PTPN2: variants seen among roughly 807,000 people sequenced by gnomAD.
The protein encoded by PTPN2 is protein tyrosine phosphatase non-receptor type 2.
Under a neutral mutation model 57.3 loss-of-function variants are expected in PTPN2, and 19 were observed. That is an observed-to-expected ratio of 0.33 (90% CI 0.23 to 0.49). The LOEUF is 0.49. PTPN2 is among the 20% of genes least tolerant of loss of function. The pLI is 0.99. For missense variants in PTPN2, 358 were observed against 501.1 expected, an observed-to-expected ratio of 0.71 and a Z score of 2.73; for synonymous variants, 153 against 164.9, an observed-to-expected ratio of 0.93 and a Z score of 0.55.
Position 12,792,468 on chromosome 18 carries a change from A to ATTTTTAC in PTPN2, c.*1809_*1810insGTAAAAA. 1 of 154,992 alleles carries ATTTTTAC rather than the reference A, an allele frequency of 6.5e-6. No individual in the cohort carries two copies. Among genetic ancestry groups the ATTTTTAC allele is most frequent in the Non-Finnish European group, 1.4e-5 (1 of 70,732 alleles). The allele number at this position is 154,992 out of a possible 1,614,324, so 9.6% of individuals were successfully genotyped here. On this transcript the variant is annotated 3_prime_UTR_variant, in exon 9 of 9. Coordinates refer to ENST00000309660, the MANE Select transcript of PTPN2 (RefSeq NM_002828.4). ...CAGATAATTTTTGTATTTTTAGTAA[A>ATTTTTAC]GAAGGGATTTCACCATGTTGGCCAG...
chr18:12,797,326 G>A (rs1185172327), intron 8 of PTPN2, among the ~76,000 whole-genome samples: 1 of 151,738 alleles, frequency 6.6e-6, no homozygotes, highest in Non-Finnish European at 1.5e-5. Context: ...TTTGTATCTA[G>A]TATTTTGTCA....
intron 5 of PTPN2, among the ~76,000 whole-genome samples, chr18:12,820,129 T>A (rs571940183): frequency 2.3e-4 from 34 of 150,754 alleles, no homozygotes; most frequent in African/African-American, 8.1e-4. Flanking sequence ...TCAAAACTAG[T>A]GGTCTCAACT....
At position 12,884,179 on chromosome 18, in the gene PTPN2, C is replaced by G. The variant is rs1157979236; in HGVS notation, c.-38G>C. On this transcript the variant is annotated 5_prime_UTR_variant, in exon 1 of 9. Transcript: ENST00000309660. ...GAGCTGGCGCGAGCAGAGCCTGCGCCGGCGGAGAGGCTCAGGCCCCGCACG... is the reference window on the plus strand; with the variant it reads ...GAGCTGGCGCGAGCAGAGCCTGCGCGGGCGGAGAGGCTCAGGCCCCGCACG... 2.0e-6 allele frequency: 3 copies of G among 1,537,452 alleles called. No homozygotes were observed. The highest frequency in any genetic ancestry group is 1.2e-5 in the South Asian group (1 of 83,928).
intron 1 of PTPN2, among the ~76,000 whole-genome samples, chr18:12,870,448 TATATATATATATATAGAGAGAG>T (rs2044210797): frequency 1.2e-4 from 3 of 24,536 alleles, no homozygotes; most frequent in Non-Finnish European, 1.9e-4. Context: ...TGTGTATATA[TATATATATATATATAGAGAGAG>T]AGAGAGAGAG....
rs555919605 is a variant in PTPN2, at chr18:12,867,663, CTAT to C, written c.70-8412_70-8410del. ...CTCCTCTGTTCCCTTTCAGGAATTTCTATCACAGACTTGGGGAAGTGCTCTCTC... is the reference window on the plus strand; with the variant it reads ...CTCCTCTGTTCCCTTTCAGGAATTTCCACAGACTTGGGGAAGTGCTCTCTC... On this transcript the variant is annotated intron_variant, in intron 1 of 8. Transcript: ENST00000309660. Among the ~76,000 whole-genome samples, 11 of 152,266 alleles carry C rather than the reference CTAT, an allele frequency of 7.2e-5. No homozygotes were observed. The East Asian group carries it at 1.7e-3, about 24-fold the overall frequency.
intron 8 of PTPN2, among the ~76,000 whole-genome samples, chr18:12,795,774 A>C (rs919526915): frequency 6.6e-6 from 1 of 152,132 alleles, no homozygotes; most frequent in Admixed American, 6.6e-5. Context: ...AAAACAAAAA[A>C]ACGGCCAATG....
chr18:12,833,544 A>C (rs184549411), intron 3 of PTPN2, among the ~76,000 whole-genome samples: 1 of 152,330 alleles, frequency 6.6e-6, no homozygotes, highest in African/African-American at 2.4e-5. Flanking sequence ...GAGGGAATGC[A>C]GAAGAATGGG....
At chr18:12,874,782 G>A (rs564778240) in intron 1 of PTPN2, among the ~76,000 whole-genome samples, 9 of 152,252 alleles carry the variant, frequency 5.9e-5, no homozygotes, top group East Asian at 5.8e-4. Context: ...CCCTCTGCCC[G>A]GCCACCACCC....
In PTPN2 at chr18:12,858,281, G is replaced by C. The variant is rs561477431; in HGVS notation, c.160+883C>G. ...CCCTACCAACAGGGAGCCCTAAAGA[G>C]AAAACCTATGTTTAGCCCACTAAAG... is the stretch of plus-strand genomic sequence containing the variant. On this transcript the variant is annotated intron_variant, in intron 2 of 8. Transcript: ENST00000309660. Among the ~76,000 whole-genome samples, 4 of 152,250 alleles carry C rather than the reference G, an allele frequency of 2.6e-5. No individual in the cohort carries two copies. The South Asian group carries it at 6.2e-4, about 24-fold the overall frequency.
intron 1 of PTPN2, among the ~76,000 whole-genome samples, chr18:12,874,533 T>TTG (rs1555680794): frequency 7.7e-4 from 44 of 57,086 alleles, no homozygotes; most frequent in African/African-American, 3.1e-3. Flanking sequence ...GGGAGGAAGG[T>TTG]GGGGGGGGGT....
chr18:12,880,495 C>T (rs2044633484), intron 1 of PTPN2: 1 of 152,264 alleles, frequency 6.6e-6, no homozygotes, highest in African/African-American at 2.4e-5. Flanking sequence ...TTTCCTCCTA[C>T]CTTCTCTCCT....
chr18:12,874,080 C>A (rs1187736182), intron 1 of PTPN2, among the ~76,000 whole-genome samples: 1 of 148,550 alleles, frequency 6.7e-6, no homozygotes, highest in East Asian at 2.0e-4. Flanking sequence ...AGTGAGGAGC[C>A]CCTCCGCCCG....
intron 2 of PTPN2, chr18:12,840,639 GAAGTC>G (rs1489682338): frequency 2.5e-5 from 38 of 1,514,332 alleles, no homozygotes; most frequent in African/African-American, 5.5e-5. Context: ...GTCACTCAGG[GAAGTC>G]AAGTCATCAC....
chr18:12,858,620 A>G (rs1382167263), intron 2 of PTPN2, among the ~76,000 whole-genome samples: 1 of 152,222 alleles, frequency 6.6e-6, no homozygotes, highest in African/African-American at 2.4e-5. Flanking sequence ...ATGTGGCAAG[A>G]TTCTAATTTT....
rs1431094684 is a variant in PTPN2, at chr18:12,870,417, A to G, written c.70-11163T>C. ...TGTATATATACACGTATATATATGT[A>G]TATATATACGTATATATATATGTGT... On this transcript the variant is annotated intron_variant, in intron 1 of 8. Transcript: ENST00000309660. Among the ~76,000 whole-genome samples the G allele has an allele frequency of 4.3e-4, 26 of 59,918 alleles. 1 individual carries two copies. Among genetic ancestry groups the G allele is most frequent in the Middle Eastern group, 7.4e-3 (1 of 136 alleles). The allele number at this position is 59,918 out of a possible 152,430, so 39.3% of individuals were successfully genotyped here.
At chr18:12,821,214 ACTTAC>A (rs1436461025) in intron 5 of PTPN2, 1 of 152,198 alleles carries the variant, frequency 6.6e-6, no homozygotes, top group Non-Finnish European at 1.5e-5. Flanking sequence ...TAATAATACT[ACTTAC>A]CTTACAAAAC....
chr18:12,872,391 TA>T, intron 1 of PTPN2: 1 of 152,374 alleles, frequency 6.6e-6, no homozygotes, highest in South Asian at 2.1e-4. Context: ...AAAAAGGTTA[TA>T]AATGATCAGT....
At chr18:12,788,266 T>C (rs2040891781), downstream of PTPN2, 1 of 152,700 alleles carries the variant, frequency 6.5e-6, no homozygotes, top group South Asian at 2.1e-4. Flanking sequence ...CAAAACATAC[T>C]GTATAACGTA....
intron 3 of PTPN2, among the ~76,000 whole-genome samples, chr18:12,835,753 T>C (rs2042841567): frequency 6.6e-6 from 1 of 152,122 alleles, no homozygotes; most frequent in Admixed American, 6.5e-5. Flanking sequence ...GAACACTGAG[T>C]ATTATACACT....
Sources: gnomAD v4.1 joint callset for allele counts (sites outside exome capture counted in the v4.1 genomes callset) on GRCh38, gnomAD v4.1.1 for gene constraint, MANE v1.5 for transcripts, NCBI Gene and HGNC (gene_info 2026-07-23, HGNC 2026-07-21) for gene names.